The following TMEM117 variants were observed in gnomAD, a reference collection of about 807,000 sequenced individuals.
TMEM117 encodes transmembrane protein 117.
A neutral mutation model predicts 52.4 loss-of-function variants in TMEM117; 27 were observed. That is an observed-to-expected ratio of 0.51 (90% CI 0.38 to 0.71). TMEM117 has a LOEUF of 0.71. Ranked by LOEUF, TMEM117 falls within the 30% of genes least tolerant of loss-of-function variation. The probability of loss-of-function intolerance (pLI) is 0.00; values close to 1 mark genes in which losing one functional copy is unlikely to be tolerated. For synonymous variants in TMEM117, 215 were observed against 206.3 expected (o/e 1.04, Z -0.36); for missense variants, 556 against 630.5 (o/e 0.88, Z 1.26).
intron 2 of TMEM117, among the ~76,000 whole-genome samples, chr12:43,943,306 A>G (rs1265402776): frequency 6.6e-6 from 1 of 152,060 alleles, no homozygotes. Flanking sequence ...TATAATAGAC[A>G]CGGTTTATCT....
the TMEM117 span, among the ~76,000 whole-genome samples, chr12:43,809,392 T>C: frequency 6.6e-6 from 1 of 152,226 alleles, no homozygotes; most frequent in Non-Finnish European, 1.5e-5. Context: ...TTATTTAACC[T>C]AAGTCTCCAT....
At chr12:43,830,413 C>T in the TMEM117 span, among the ~76,000 whole-genome samples, 5 of 151,674 alleles carry the variant, frequency 3.3e-5, no homozygotes, top group African/African-American at 1.2e-4. Context: ...TCAAGACCAG[C>T]CTGACTAACA....
intron 5 of TMEM117, among the ~76,000 whole-genome samples, chr12:44,299,049 T>C (rs1160388349): frequency 6.6e-6 from 1 of 150,690 alleles, no homozygotes; most frequent in East Asian, 1.9e-4. Context: ...ATTTTTAATA[T>C]TGTTGTTGTT....
chr12:44,339,117 T>C (rs956558964), intron 6 of TMEM117, among the ~76,000 whole-genome samples: 1 of 152,068 alleles, frequency 6.6e-6, no homozygotes, highest in Non-Finnish European at 1.5e-5. Flanking sequence ...TAAACACTGG[T>C]ATCTATGCTG....
rs773352634 is a variant in TMEM117, at chr12:44,214,138, ATTTTT to A, written c.608+2773_608+2777del. Among the ~76,000 whole-genome samples, 532 of 99,240 alleles carry A rather than the reference ATTTTT, an allele frequency of 5.4e-3. 6 individuals carry two copies. Among genetic ancestry groups the A allele is most frequent in the African/African-American group, 0.016 (495 of 31,128 alleles). The allele number at this position is 99,240 out of a possible 152,430, so 65.1% of individuals were successfully genotyped here. The stretch of plus-strand genomic sequence containing the variant: ...CAATGTCTTACAAATTTTTTTTTTA[ATTTTT>A]TTTTTTTTTTTTTTTTTTTTTAAGA... On this transcript the variant is annotated intron_variant, in intron 5 of 7. Coordinates refer to ENST00000266534, the MANE Select transcript of TMEM117 (RefSeq NM_032256.3).
intron 6 of TMEM117, among the ~76,000 whole-genome samples, chr12:44,367,467 C>T (rs2138825501): frequency 6.6e-6 from 1 of 152,208 alleles, no homozygotes; most frequent in East Asian, 1.9e-4. Context: ...TCTTGTTCTT[C>T]TTCTATTGCA....
chr12:43,924,524 C>G (rs889887721), intron 2 of TMEM117, among the ~76,000 whole-genome samples: 1 of 152,082 alleles, frequency 6.6e-6, no homozygotes, highest in Non-Finnish European at 1.5e-5. Flanking sequence ...TCAAGTATTT[C>G]GTGCTGTGAA....
intron 2 of TMEM117, among the ~76,000 whole-genome samples, chr12:43,921,656 A>G (rs759028107): frequency 2.0e-5 from 3 of 151,716 alleles, no homozygotes; most frequent in Admixed American, 6.6e-5. Flanking sequence ...TTGTTATACA[A>G]CTCCACTGTT....
chr12:44,326,620 C>T (rs1382078916), intron 6 of TMEM117, among the ~76,000 whole-genome samples: 1 of 152,198 alleles, frequency 6.6e-6, no homozygotes, highest in Non-Finnish European at 1.5e-5. Flanking sequence ...TGCTGAAATT[C>T]AGGGCATCAA....
At chr12:44,018,399 A>C (rs1332029507) in intron 3 of TMEM117, among the ~76,000 whole-genome samples, 1 of 152,210 alleles carries the variant, frequency 6.6e-6, no homozygotes, top group Non-Finnish European at 1.5e-5. Context: ...TGAATTTGCA[A>C]GTGTTCTAAG....
chr12:43,992,164 T>G (rs1180629431), intron 3 of TMEM117, among the ~76,000 whole-genome samples: 3 of 151,632 alleles, frequency 2.0e-5, no homozygotes, highest in African/African-American at 7.3e-5. Context: ...ATGAGTAAGA[T>G]CCTGTCTCCA....
intron 6 of TMEM117, among the ~76,000 whole-genome samples, chr12:44,303,267 C>G (rs1288790568): frequency 6.6e-6 from 1 of 151,578 alleles, no homozygotes; most frequent in Non-Finnish European, 1.5e-5. Context: ...CAGGCTGGTC[C>G]CGAACTCCCA....
chr12:43,882,537 T>C (rs554447879), intron 2 of TMEM117, among the ~76,000 whole-genome samples: 9 of 151,996 alleles, frequency 5.9e-5, no homozygotes, highest in Non-Finnish European at 1.3e-4. Flanking sequence ...TTACCCCATA[T>C]TTTGAGGACA....
intron 4 of TMEM117, among the ~76,000 whole-genome samples, chr12:44,156,949 G>A (rs190928202): frequency 1.4e-4 from 21 of 152,206 alleles, no homozygotes; most frequent in African/African-American, 5.1e-4. Flanking sequence ...TGCTCACAGT[G>A]TATTCCCCTT....
intron 3 of TMEM117, among the ~76,000 whole-genome samples, chr12:44,103,844 A>C (rs567055666): frequency 6.6e-6 from 1 of 152,034 alleles, no homozygotes; most frequent in Admixed American, 6.6e-5. Flanking sequence ...TCTAGTCTTC[A>C]CTAGATTTCC....
intron 1 of TMEM117, among the ~76,000 whole-genome samples, chr12:43,839,792 C>T (rs1312737466): frequency 6.6e-6 from 1 of 152,216 alleles, no homozygotes; most frequent in African/African-American, 2.4e-5. Context: ...AAATGTTGAA[C>T]AAATGAATGA....
chr12:43,836,034 G>C (rs1943020455), upstream of TMEM117: 2 of 151,428 alleles, frequency 1.3e-5, no homozygotes, highest in South Asian at 4.1e-4. Flanking sequence ...GGCGGCGGCG[G>C]GTGTGGGCCG....
intron 3 of TMEM117, among the ~76,000 whole-genome samples, chr12:43,968,389 A>G (rs1352662650): frequency 6.6e-6 from 1 of 152,234 alleles, no homozygotes; most frequent in Non-Finnish European, 1.5e-5. Context: ...TCCAAGGAGA[A>G]TATCTTGCAT....
chr12:43,945,300 T>C (rs951790401), intron 3 of TMEM117, among the ~76,000 whole-genome samples: 3 of 152,282 alleles, frequency 2.0e-5, no homozygotes, highest in African/African-American at 7.2e-5. Context: ...TTCAGTATAA[T>C]TTCCTCTTGG....
Sources: allele counts gnomAD v4.1 joint callset (sites outside exome capture counted in the v4.1 genomes callset), GRCh38; gene constraint gnomAD v4.1.1; transcripts MANE v1.5; gene names NCBI Gene and HGNC (gene_info 2026-07-23, HGNC 2026-07-21).